Variants in USP47 observed in about 807,000 individuals in gnomAD.
USP47 encodes the protein ubiquitin carboxyl-terminal hydrolase 47.
Under a neutral mutation model 165.1 loss-of-function variants are expected in USP47, and 35 were observed. The observed-to-expected ratio is 0.21, with a 90% CI of 0.16 to 0.28. The LOEUF (loss-of-function observed/expected upper bound fraction) is 0.28. Among genes scored for constraint, USP47 ranks in the 10% least tolerant of loss-of-function variants. The pLI is 1.00. For missense variants in USP47, 1,277 were observed against 1,607.4 expected, an observed-to-expected ratio of 0.79 and a Z score of 3.52; for synonymous variants, 531 against 544.5, an observed-to-expected ratio of 0.98 and a Z score of 0.35.
At chr11:11,919,504 T>G (rs1190598278) in intron 8 of USP47, among the ~76,000 whole-genome samples, 2 of 151,892 alleles carry the variant, frequency 1.3e-5, no homozygotes, top group Non-Finnish European at 2.9e-5. Flanking sequence ...TGAAGTTTCT[T>G]ACTTCTGTTG....
chr11:11,858,883 T>C (rs1382619768), intron 1 of USP47, among the ~76,000 whole-genome samples: 1 of 152,208 alleles, frequency 6.6e-6, no homozygotes, highest in African/African-American at 2.4e-5. Flanking sequence ...GGTGGACATA[T>C]GTCTTCATAT....
intron 12 of USP47, 88 bp downstream of exon 12, chr11:11,929,653 A>G: frequency 6.5e-7 from 1 of 1,526,836 alleles, no homozygotes; most frequent in East Asian, 2.3e-5. Flanking sequence ...AGAATGAGTG[A>G]ATCTGTCTAG....
In USP47 at chr11:11,960,430, C is replaced by CTT. The variant is rs3833752; in HGVS notation, c.*4256_*4257dup. Among the ~76,000 whole-genome samples the CTT allele has an allele frequency of 0.51, 77,414 of 151,664 alleles. 20,643 individuals carry two copies. The highest frequency in any genetic ancestry group is 0.8 in the Middle Eastern group (235 of 292). On this transcript the variant is annotated 3_prime_UTR_variant, in exon 28 of 28. Transcript: ENST00000527733. ...GCTCCCTCATGAAATTTGACAGTGT[C>CTT]TTGCCAGCCTCCTGCTGGCAGACAC...
chr11:11,857,981 C>G (rs1849152813), intron 1 of USP47, among the ~76,000 whole-genome samples: 1 of 152,082 alleles, frequency 6.6e-6, no homozygotes, highest in Non-Finnish European at 1.5e-5. Flanking sequence ...TGTAGCTTCA[C>G]TTCAGCCTCT....
At chr11:11,852,325 A>G (rs1848772744) in intron 1 of USP47, among the ~76,000 whole-genome samples, 1 of 151,612 alleles carries the variant, frequency 6.6e-6, no homozygotes, top group Non-Finnish European at 1.5e-5. Flanking sequence ...ATTTATTTGT[A>G]TCAGTATGGA....
chr11:11,954,438 T>C (rs1856430707), intron 25 of USP47, among the ~76,000 whole-genome samples: 1 of 151,878 alleles, frequency 6.6e-6, no homozygotes, highest in Admixed American at 6.5e-5. Flanking sequence ...CCCGGCTAAT[T>C]CTTTGTATTT....
chr11:11,936,989 T>C (rs2134736430), intron 17 of USP47, among the ~76,000 whole-genome samples: 1 of 152,052 alleles, frequency 6.6e-6, no homozygotes, highest in African/African-American at 2.4e-5. Flanking sequence ...TTACAATTTT[T>C]CGTCATCCTC....
chr11:11,936,678 C>T (rs979907682), intron 17 of USP47, among the ~76,000 whole-genome samples, 168 bp downstream of exon 17: 1 of 151,656 alleles, frequency 6.6e-6, no homozygotes, highest in African/African-American at 2.4e-5. Flanking sequence ...GAATTAAGTT[C>T]TAGATTACTT....
At chr11:11,842,300 C>T in intron 1 of USP47, 76 bp downstream of exon 1, 3 of 1,494,736 alleles carry the variant, frequency 2.0e-6, no homozygotes, top group Non-Finnish European at 1.8e-6. Context: ...CGGGGTTCGG[C>T]TGCGGGCCCG....
At chr11:11,883,673 C>G (rs1850975650) in intron 2 of USP47, among the ~76,000 whole-genome samples, 1 of 152,184 alleles carries the variant, frequency 6.6e-6, no homozygotes, top group South Asian at 2.1e-4. Flanking sequence ...TCATTTTTCT[C>G]AACAGCAGTC....
In USP47 at chr11:11,936,493, A is replaced by C. The variant is rs970972495; in HGVS notation, c.2060A>C (p.Gln687Pro). Residue 687 changes from glutamine to proline, a missense_variant, in exon 17 of 28, where the codon CAA becomes CCA. By Grantham distance (76) the Gln-to-Pro change is moderately conservative (BLOSUM62 -1). Coordinates refer to ENST00000527733, the MANE Select transcript of USP47 (RefSeq NM_001282659.2). ...ACGAGAAAGCCTGATCAGGTTTTCC[A>C]ATCTTATAAACCTGGAGGTGAGCAA... ...LETRKPDQVF[Q>P]SYKPGEVMVK... 1.3e-6 allele frequency: 2 copies of C among 1,588,336 alleles called. No individual in the cohort carries two copies. The highest frequency in any genetic ancestry group is 1.7e-6 in the Non-Finnish European group (2 of 1,163,162).
chr11:11,956,266 T>C lies in USP47; in HGVS notation c.*91T>C. 2 of 1,459,846 alleles carry C rather than the reference T, an allele frequency of 1.4e-6. No individual in the cohort carries two copies. Among genetic ancestry groups the C allele is most frequent in the Non-Finnish European group, 1.9e-6 (2 of 1,058,954 alleles). The allele number at this position is 1,459,846 out of a possible 1,614,324, so 90.4% of individuals were successfully genotyped here. On this transcript the variant is annotated 3_prime_UTR_variant, in exon 28 of 28. Transcript: ENST00000527733. ...GTAGTGCCATTTTGGCCGGACATGG[T>C]TGGGGTAACCCAGTGACACCAGCAC...
chr11:11,884,708 T>C, intron 3 of USP47, 128 bp downstream of exon 3: 2 of 643,322 alleles, frequency 3.1e-6, no homozygotes, highest in Non-Finnish European at 2.6e-6. Context: ...TTTTTTCATT[T>C]TATGTTGGTT....
In USP47 at chr11:11,916,223, G is replaced by A. The variant is rs148323682; in HGVS notation, c.970-3933G>A. On this transcript the variant is annotated intron_variant, in intron 8 of 27. Coordinates refer to ENST00000527733, the MANE Select transcript of USP47 (RefSeq NM_001282659.2). ...TAGCACTTCGGGAGGTCAAGGCAGA[G>A]GATTGCCTGAGCTTAGGAGTTTGAG... Among the ~76,000 whole-genome samples, 1,137 of 152,254 alleles carry A rather than the reference G, an allele frequency of 7.5e-3. 10 individuals carry two copies. The highest frequency in any genetic ancestry group is 0.023 in the African/African-American group (975 of 41,558).
chr11:11,876,206 T>C (rs775520906), intron 1 of USP47, among the ~76,000 whole-genome samples: 2 of 152,152 alleles, frequency 1.3e-5, no homozygotes, highest in African/African-American at 2.4e-5. Context: ...GAACATGCTG[T>C]AGGCTTTTCT....
intron 13 of USP47, 83 bp from the exon 14 acceptor site, chr11:11,930,613 A>T: frequency 9.5e-7 from 1 of 1,057,380 alleles, no homozygotes; most frequent in Non-Finnish European, 1.4e-6. Context: ...TTAAAAAATC[A>T]CAATTTAAAT....
chr11:11,887,251 GC>G (rs992821710), intron 3 of USP47, among the ~76,000 whole-genome samples: 1 of 152,098 alleles, frequency 6.6e-6, no homozygotes, highest in African/African-American at 2.4e-5. Flanking sequence ...ATGTAAATGG[GC>G]TAAGTGCCTT....
intron 8 of USP47, among the ~76,000 whole-genome samples, chr11:11,913,863 G>A (rs1853207607): frequency 6.6e-6 from 1 of 151,984 alleles, no homozygotes; most frequent in Admixed American, 6.6e-5. Context: ...AGTATCACAT[G>A]TACTTCATAA....
intron 22 of USP47, among the ~76,000 whole-genome samples, chr11:11,949,618 G>A (rs10741564): frequency 0.63 from 95,660 of 151,868 alleles, 30,752 homozygotes; most frequent in Middle Eastern, 0.85. Flanking sequence ...GAAAATACAA[G>A]TGTGTTATCC....
Sources: allele counts gnomAD v4.1 joint callset (sites outside exome capture counted in the v4.1 genomes callset), GRCh38; gene constraint gnomAD v4.1.1; transcripts MANE v1.5; gene names NCBI Gene and HGNC (gene_info 2026-07-23, HGNC 2026-07-21).